The following LRFN2 variants were observed in gnomAD, a reference collection of about 807,000 sequenced individuals.
LRFN2 encodes the protein leucine rich repeat and fibronectin type III domain containing 2, also known as leucine-rich repeat and fibronectin type-III domain-containing protein 2.
A neutral mutation model predicts 37.3 loss-of-function variants in LRFN2; 18 were observed. The ratio of observed to expected loss-of-function variants is 0.48; its 90% confidence interval spans 0.33 to 0.72. The LOEUF is 0.72. LRFN2 is among the 30% of genes least tolerant of loss of function. LRFN2 has a pLI of 0.02. For missense variants in LRFN2, 1,006 were observed against 1,060.7 expected (o/e 0.95, Z 0.72); for synonymous variants, 556 against 466.6 (o/e 1.19, Z -2.47).
At chr6:40,567,739 G>T (rs1767114526) in intron 1 of LRFN2, among the ~76,000 whole-genome samples, 1 of 152,198 alleles carries the variant, frequency 6.6e-6, no homozygotes, top group Non-Finnish European at 1.5e-5. Flanking sequence ...AGAGGACTAG[G>T]CACTCCGTTA....
chr6:40,528,552 G>A (rs537540671), intron 1 of LRFN2, among the ~76,000 whole-genome samples: 8 of 152,268 alleles, frequency 5.3e-5, no homozygotes, highest in African/African-American at 1.7e-4. Context: ...CCAGTGACTC[G>A]GCTCCTTCCA....
chr6:40,513,048 G>A (rs1765759513), intron 1 of LRFN2, among the ~76,000 whole-genome samples: 1 of 152,152 alleles, frequency 6.6e-6, no homozygotes, highest in Non-Finnish European at 1.5e-5. Context: ...TAGTGGCTGG[G>A]GCTTGTCAAC....
chr6:40,576,610 G>A (rs991762750), intron 1 of LRFN2, among the ~76,000 whole-genome samples: 22 of 152,194 alleles, frequency 1.4e-4, no homozygotes, highest in African/African-American at 3.1e-4. Flanking sequence ...TCCTGGAGCC[G>A]CAGGTACCTG....
intron 1 of LRFN2, among the ~76,000 whole-genome samples, chr6:40,509,697 T>A (rs1765644559): frequency 1.3e-5 from 2 of 149,640 alleles, no homozygotes; most frequent in South Asian, 4.2e-4. Context: ...CGTGCAGGTA[T>A]GCCAAGGAAC....
intron 1 of LRFN2, among the ~76,000 whole-genome samples, chr6:40,458,743 T>G (rs1764284734): frequency 6.6e-6 from 1 of 152,218 alleles, no homozygotes; most frequent in African/African-American, 2.4e-5. Context: ...AAACAAAAAC[T>G]GTTCTTCTTG....
chr6:40,394,357 GT>G (rs1204118282), intron 2 of LRFN2, among the ~76,000 whole-genome samples: 1 of 152,112 alleles, frequency 6.6e-6, no homozygotes, highest in Non-Finnish European at 1.5e-5. Flanking sequence ...TTTCTTGGTA[GT>G]TCCTCCACTC....
chr6:40,514,338 G>A (rs374832773), intron 1 of LRFN2, among the ~76,000 whole-genome samples: 3 of 151,924 alleles, frequency 2.0e-5, no homozygotes, highest in South Asian at 2.1e-4. Flanking sequence ...TTTTCTAGAC[G>A]GAATCTTGCT....
chr6:40,521,230 T>C (rs1169780030), intron 1 of LRFN2, among the ~76,000 whole-genome samples: 4 of 152,016 alleles, frequency 2.6e-5, no homozygotes, highest in African/African-American at 4.8e-5. Flanking sequence ...GATTCTCACA[T>C]GGAACCTGCC....
chr6:40,504,008 G>A (rs995844114), intron 1 of LRFN2, among the ~76,000 whole-genome samples: 7 of 151,964 alleles, frequency 4.6e-5, no homozygotes, highest in South Asian at 2.1e-4. Context: ...GGGGTGGCGA[G>A]AGATAGGAGG....
At chr6:40,510,726 G>A (rs1358506031) in intron 1 of LRFN2, among the ~76,000 whole-genome samples, 1 of 152,242 alleles carries the variant, frequency 6.6e-6, no homozygotes, top group East Asian at 1.9e-4. Context: ...GGGCCGAGGA[G>A]ACAGGGATGC....
In LRFN2 at chr6:40,399,713, C is replaced by T. The variant is rs912957920; in HGVS notation, c.1401-6801G>A. On this transcript the variant is annotated intron_variant, in intron 2 of 2. Transcript: ENST00000338305. ...TTGGCTTCCTAAAGTGCTGGGATTACAGGCGTGAGCCACGGCTCCTGGCCT... is the reference window on the plus strand; with the variant it reads ...TTGGCTTCCTAAAGTGCTGGGATTATAGGCGTGAGCCACGGCTCCTGGCCT... Among the ~76,000 whole-genome samples the T allele has an allele frequency of 1.1e-4, 16 of 151,900 alleles. 1 individual carries two copies. Among genetic ancestry groups the T allele is most frequent in the African/African-American group, 3.6e-4 (15 of 41,440 alleles).
At chr6:40,499,993 C>T (rs1765334498) in intron 1 of LRFN2, among the ~76,000 whole-genome samples, 1 of 152,226 alleles carries the variant, frequency 6.6e-6, no homozygotes, top group African/African-American at 2.4e-5. Flanking sequence ...TCTAATAACC[C>T]TTAGAAGATG....
chr6:40,578,975 G>A (rs1014939085), intron 1 of LRFN2, among the ~76,000 whole-genome samples: 1 of 152,166 alleles, frequency 6.6e-6, no homozygotes, highest in Non-Finnish European at 1.5e-5. Flanking sequence ...CTAATAATGT[G>A]CCTTGTGTAT....
chr6:40,528,725 C>T (rs974477027), intron 1 of LRFN2, among the ~76,000 whole-genome samples: 5 of 152,160 alleles, frequency 3.3e-5, no homozygotes, highest in South Asian at 2.1e-4. Context: ...TAATTGCCTT[C>T]GCATCATTGT....
At chr6:40,562,827 G>A (rs1193367982) in intron 1 of LRFN2, among the ~76,000 whole-genome samples, 8 of 147,994 alleles carry the variant, frequency 5.4e-5, no homozygotes, top group Non-Finnish European at 7.4e-5. Context: ...TTATGTGCGT[G>A]CACTCACTCA....
chr6:40,493,005 G>A (rs1355036382), intron 1 of LRFN2, among the ~76,000 whole-genome samples: 1 of 152,024 alleles, frequency 6.6e-6, no homozygotes, highest in Non-Finnish European at 1.5e-5. Flanking sequence ...GGCATGAGGG[G>A]GAATGAGGAC....
At chr6:40,426,192 A>G (rs912204804) in intron 2 of LRFN2, among the ~76,000 whole-genome samples, 2 of 151,730 alleles carry the variant, frequency 1.3e-5, no homozygotes, top group Non-Finnish European at 2.9e-5. Context: ...TATGTTGATC[A>G]TGGGATTCTG....
intron 1 of LRFN2, among the ~76,000 whole-genome samples, chr6:40,483,751 G>A (rs1054654425): frequency 1.3e-4 from 20 of 152,106 alleles, no homozygotes; most frequent in African/African-American, 3.4e-4. Context: ...GCTTCCAGAC[G>A]GAAGCAGGTC....
rs149537172 is a variant in LRFN2 at position 40,469,843 on chromosome 6, C to G, written c.-18-36712G>C. On this transcript the variant is annotated intron_variant, in intron 1 of 2. Coordinates refer to ENST00000338305, the MANE Select transcript of LRFN2 (RefSeq NM_020737.3). ...TGGTGCTGCTCCTGCCTTGTCCCCC[C>G]AAGAGCTGCACCAGGACATCCCTCT... 5.1e-3 allele frequency among the ~76,000 whole-genome samples: 770 copies of G among 152,290 alleles called. 8 individuals are homozygous for G. The highest frequency in any genetic ancestry group is 0.017 in the African/African-American group (714 of 41,558).
Sources: gnomAD v4.1 joint callset for allele counts (sites outside exome capture counted in the v4.1 genomes callset) on GRCh38, gnomAD v4.1.1 for gene constraint, MANE v1.5 for transcripts, NCBI Gene and HGNC (gene_info 2026-07-23, HGNC 2026-07-21) for gene names.